The following PLD3 variants were observed in gnomAD, a reference collection of about 807,000 sequenced individuals.
The protein encoded by PLD3 is 5'-3' exonuclease PLD3.
Under a neutral mutation model 58.4 loss-of-function variants are expected in PLD3, and 31 were observed. The observed-to-expected ratio is 0.53, with a 90% CI of 0.40 to 0.72. The LOEUF is 0.72. PLD3 is among the 30% of genes least tolerant of loss of function. PLD3 has a pLI of 0.00. For missense variants in PLD3, 595 were observed against 659.8 expected (o/e 0.90, Z 1.08); for synonymous variants, 264 against 273.4 (o/e 0.97, Z 0.34).
At chr19:40,370,510 CAA>C (rs796986798) in intron 8 of PLD3, 603 of 211,000 alleles carry the variant, frequency 2.9e-3, no homozygotes, top group South Asian at 6.9e-3. Context: ...CCATCTCTAC[CAA>C]AAAAAAAAAA....
rs116337067 is a variant in PLD3, at chr19:40,352,347, G to A, written c.-279+3579G>A. 5.9e-3 allele frequency among the ~76,000 whole-genome samples: 901 copies of A among 152,212 alleles called. 11 individuals carry two copies. The highest frequency in any genetic ancestry group is 0.02 in the African/African-American group (849 of 41,522). On this transcript the variant is annotated intron_variant, in intron 1 of 12. Transcript: ENST00000409735. ...CTAACGGAATTTTTGAGAGGCCGGC[G>A]CCACCACGGGGTTCAGCTGCTGTCC...
chr19:40,372,573 C>T (rs2079091682), intron 9 of PLD3, among the ~76,000 whole-genome samples: 1 of 151,538 alleles, frequency 6.6e-6, no homozygotes, highest in African/African-American at 2.4e-5. Flanking sequence ...ATGGGAGGAT[C>T]ACTTGAGGCC....
At chr19:40,369,502 A>G (rs1294559117) in intron 6 of PLD3, among the ~76,000 whole-genome samples, 2 of 152,194 alleles carry the variant, frequency 1.3e-5, no homozygotes, top group Non-Finnish European at 2.9e-5. Context: ...AGGGCCTGGC[A>G]CACAGTAGGT....
intron 11 of PLD3, 127 bp downstream of exon 11, chr19:40,376,901 T>A: frequency 1.1e-6 from 1 of 914,080 alleles, no homozygotes; most frequent in Non-Finnish European, 1.6e-6. Flanking sequence ...GGGGAAACCA[T>A]GGGTCAGGGC....
At position 40,348,743 on chromosome 19, in the gene PLD3, C is replaced by G. The variant is rs776542246; in HGVS notation, c.-304C>G. 6.9e-5 allele frequency: 33 copies of G among 477,282 alleles called. No homozygotes were observed. Among genetic ancestry groups the G allele is most frequent in the South Asian group, 1.7e-4 (5 of 28,824 alleles). 29.6% of individuals were successfully genotyped at this position (477,282 alleles called of 1,614,324 possible). A position where few individuals can be genotyped will look rare whatever the true frequency, so the allele number is the denominator to read the frequency against. The stretch of plus-strand genomic sequence containing the variant: ...CTGGAAGGTGCGTGTGGGGCTGGGT[C>G]TCGGAGTGGGAGACGTGGAGTGCAG... On this transcript the variant is annotated 5_prime_UTR_variant, in exon 1 of 13. Transcript: ENST00000409735.
At chr19:40,376,898 C>T (rs970589081) in intron 11 of PLD3, 124 bp downstream of exon 11, 2 of 964,708 alleles carry the variant, frequency 2.1e-6, no homozygotes, top group African/African-American at 3.3e-5. Flanking sequence ...TGTGGGGAAA[C>T]CATGGGTCAG....
In PLD3 at chr19:40,374,541, G is replaced by C; in HGVS notation, c.940G>C (p.Val314Leu). ...TCCAGACCTGAAGGCTCTACTCAAC[G>C]TGGTGGACAATGCCCGGAGTTTCAT... ...RTPDLKALLN[V>L]VDNARSFIYV... The change falls in exon 10 of 13, where the codon GTG becomes CTG. Residue 314 changes from valine (V) to leucine (L), a missense_variant. By Grantham distance (32) the Val-to-Leu change is conservative. Coordinates refer to ENST00000409735, the MANE Select transcript of PLD3 (RefSeq NM_012268.4). The C allele has an allele frequency of 6.2e-7, 1 of 1,614,150 alleles. No individual in the cohort carries two copies.
rs76206460 is a variant in PLD3, at chr19:40,369,302, C to T, written c.430-606C>T. Among the ~76,000 whole-genome samples, 572 of 151,820 alleles carry T rather than the reference C, an allele frequency of 3.8e-3. 5 individuals carry two copies. The highest frequency in any genetic ancestry group is 0.013 in the African/African-American group (546 of 41,374). Reference sequence around the variant, plus strand: ...TAGCTACTTGGGAGACTGAGGCAGGCGGAATGCTTGAGCCCAGGGATTGAA... The same window carrying T: ...TAGCTACTTGGGAGACTGAGGCAGGTGGAATGCTTGAGCCCAGGGATTGAA... On this transcript the variant is annotated intron_variant, in intron 6 of 12. Transcript: ENST00000409735.
At chr19:40,372,236 C>A (rs1007059749) in intron 9 of PLD3, among the ~76,000 whole-genome samples, 4 of 152,010 alleles carry the variant, frequency 2.6e-5, no homozygotes, top group African/African-American at 9.7e-5. Flanking sequence ...CCTGTAATCC[C>A]AATACTTTGG....
chr19:40,350,130 C>G (rs1181368138), intron 1 of PLD3, among the ~76,000 whole-genome samples: 1 of 151,134 alleles, frequency 6.6e-6, no homozygotes, highest in East Asian at 1.9e-4. Flanking sequence ...CATGGTGGCA[C>G]ATGCCTGTAA....
chr19:40,364,798 CAAAA>C lies in PLD3; in HGVS notation c.-278-907_-278-904del, dbSNP rs1171446806. ...GAGAGACAGAGCGAGACTGCGTCTC[CAAAA>C]AAAAAAAAAAAAGCAGCTGGGCATG... On this transcript the variant is annotated intron_variant, in intron 1 of 12. Transcript: ENST00000409735. Among the ~76,000 whole-genome samples, 45 of 67,302 alleles carry C rather than the reference CAAAA, an allele frequency of 6.7e-4. No homozygotes were observed. The East Asian group carries it at 0.015, about 23-fold the overall frequency. The allele number at this position is 67,302 out of a possible 152,430, so 44.2% of individuals were successfully genotyped here.
At chr19:40,362,809 G>C (rs1403318742) in intron 1 of PLD3, among the ~76,000 whole-genome samples, 1 of 152,078 alleles carries the variant, frequency 6.6e-6, no homozygotes, top group Non-Finnish European at 1.5e-5. Flanking sequence ...AACATCAAAA[G>C]TTAAAATTAA....
chr19:40,366,442 C>T lies in PLD3; in HGVS notation c.-42C>T. Reference sequence around the variant, plus strand: ...AGTTTGGAGACCCTGACACACCCACCTTCTCACCTGGGCTCTGCGTATCCC... The same window carrying T: ...AGTTTGGAGACCCTGACACACCCACTTTCTCACCTGGGCTCTGCGTATCCC... On this transcript the variant is annotated 5_prime_UTR_variant, in exon 3 of 13. Coordinates refer to ENST00000409735, the MANE Select transcript of PLD3 (RefSeq NM_012268.4). 6.2e-7 allele frequency: 1 copy of T among 1,606,252 alleles called. No individual in the cohort carries two copies. The highest frequency in any genetic ancestry group is 8.5e-7 in the Non-Finnish European group (1 of 1,172,880).
intron 1 of PLD3, among the ~76,000 whole-genome samples, chr19:40,363,347 A>G (rs1600289045): frequency 2.1e-5 from 2 of 96,650 alleles, no homozygotes; most frequent in South Asian, 4.6e-4. Flanking sequence ...GACTGATGTT[A>G]TCTTCTGCTT....
At chr19:40,362,992 T>A (rs1314631770) in intron 1 of PLD3, among the ~76,000 whole-genome samples, 1 of 152,148 alleles carries the variant, frequency 6.6e-6, no homozygotes, top group Non-Finnish European at 1.5e-5. Flanking sequence ...CTGGAACTCC[T>A]GGGCTCAAGC....
In PLD3 at chr19:40,366,704, C is replaced by T; in HGVS notation, c.102+20C>T. 1 of 1,613,742 alleles carries T rather than the reference C, an allele frequency of 6.2e-7. No homozygotes were observed. Among genetic ancestry groups the T allele is most frequent in the Non-Finnish European group, 8.5e-7 (1 of 1,179,806 alleles). ...GAAAAGGTAGGAGCCCTCCGCCACC[C>T]TCGCTCTGTCTCAGAGACAGGCTGG... is the stretch of plus-strand genomic sequence containing the variant. On this transcript the variant is annotated intron_variant, in intron 4 of 12. Coordinates refer to ENST00000409735, the MANE Select transcript of PLD3 (RefSeq NM_012268.4).
chr19:40,355,928 C>A (rs897601086), intron 1 of PLD3: 1 of 152,086 alleles, frequency 6.6e-6, no homozygotes, highest in Non-Finnish European at 1.5e-5. Context: ...TTCTCTAGTT[C>A]CAATTTAGAA....
At chr19:40,349,849 T>A (rs1399382118) in intron 1 of PLD3, among the ~76,000 whole-genome samples, 4 of 151,016 alleles carry the variant, frequency 2.6e-5, no homozygotes, top group Non-Finnish European at 5.9e-5. Flanking sequence ...TCCCAGCTAC[T>A]CGGGAGGCTG....
chr19:40,378,209 C>T lies in PLD3; in HGVS notation c.*36C>T. 1.9e-6 allele frequency: 3 copies of T among 1,575,784 alleles called. No individual in the cohort carries two copies. The highest frequency in any genetic ancestry group is 1.7e-6 in the Non-Finnish European group (2 of 1,156,708). On this transcript the variant is annotated 3_prime_UTR_variant, in exon 13 of 13. Coordinates refer to ENST00000409735, the MANE Select transcript of PLD3 (RefSeq NM_012268.4). ...AGTGGGCAGGCCAAGGCCTGCTGGG[C>T]CCCCGCGGACCCAGGTGCTCTGGGT... is the stretch of plus-strand genomic sequence containing the variant.
Sources: allele counts gnomAD v4.1 joint callset (sites outside exome capture counted in the v4.1 genomes callset), GRCh38; gene constraint gnomAD v4.1.1; transcripts MANE v1.5; gene names NCBI Gene and HGNC (gene_info 2026-07-23, HGNC 2026-07-21).